The following TMEM132D variants were observed in gnomAD, a reference collection of about 807,000 sequenced individuals.
TMEM132D encodes the protein transmembrane protein 132D, also known as mature OL transmembrane protein.
A neutral mutation model predicts 62.3 loss-of-function variants in TMEM132D; 21 were observed. That is an observed-to-expected ratio of 0.34 (90% CI 0.24 to 0.49). The LOEUF (loss-of-function observed/expected upper bound fraction) is 0.49, where lower values mean the gene tolerates loss of function less well. Ranked by LOEUF, TMEM132D falls within the 20% of genes least tolerant of loss-of-function variation. TMEM132D has a pLI of 0.99. For synonymous variants in TMEM132D, 621 were observed against 575.6 expected, an observed-to-expected ratio of 1.08 and a Z score of -1.13; for missense variants, 1,346 against 1,402.8, an observed-to-expected ratio of 0.96 and a Z score of 0.65.
chr12:129,413,094 A>G (rs1474598675), intron 3 of TMEM132D, among the ~76,000 whole-genome samples: 1 of 152,168 alleles, frequency 6.6e-6, no homozygotes. Flanking sequence ...TCAATATTCA[A>G]TAGTTTGAGA....
chr12:129,665,951 A>AT (rs1339823223), intron 2 of TMEM132D, among the ~76,000 whole-genome samples: 1 of 151,940 alleles, frequency 6.6e-6, no homozygotes, highest in Non-Finnish European at 1.5e-5. Flanking sequence ...GACCTTTAAT[A>AT]TTTTTTCTCT....
intron 3 of TMEM132D, among the ~76,000 whole-genome samples, chr12:129,447,402 G>A (rs1015392477): frequency 6.6e-5 from 10 of 152,060 alleles, no homozygotes; most frequent in African/African-American, 1.9e-4. Flanking sequence ...AACTGGTATC[G>A]TTTGCAATAA....
intron 1 of TMEM132D, among the ~76,000 whole-genome samples, chr12:129,864,519 G>T (rs1476305250): frequency 6.6e-6 from 1 of 152,168 alleles, no homozygotes; most frequent in East Asian, 1.9e-4. Context: ...AAAAGATAAG[G>T]TGTTTTTCCT....
chr12:129,194,864 G>C (rs1404241415), intron 5 of TMEM132D, among the ~76,000 whole-genome samples: 1 of 152,062 alleles, frequency 6.6e-6, no homozygotes, highest in Non-Finnish European at 1.5e-5. Flanking sequence ...ATGATAACCA[G>C]AATCCTCTAT....
intron 1 of TMEM132D, among the ~76,000 whole-genome samples, chr12:129,708,260 A>C (rs1448455940): frequency 6.6e-6 from 1 of 152,188 alleles, no homozygotes; most frequent in Non-Finnish European, 1.5e-5. Context: ...GAGGATAAAA[A>C]GTTATCTAGC....
rs182058365 is a variant in TMEM132D, at chr12:129,822,012, C to T, written c.79+81249G>A. Among the ~76,000 whole-genome samples, 18 of 152,240 alleles carry T rather than the reference C, an allele frequency of 1.2e-4. No individual in the cohort carries two copies. The East Asian group carries it at 1.7e-3, about 15-fold the overall frequency. Reference sequence around the variant, plus strand: ...AGGATATAATAGTGCAAAAGACAGACGTGATCTTTGTACTCATGGAGCAAA... The same window carrying T: ...AGGATATAATAGTGCAAAAGACAGATGTGATCTTTGTACTCATGGAGCAAA... On this transcript the variant is annotated intron_variant, in intron 1 of 8. Coordinates refer to ENST00000422113, the MANE Select transcript of TMEM132D (RefSeq NM_133448.3).
intron 5 of TMEM132D, among the ~76,000 whole-genome samples, chr12:129,135,310 G>C (rs1045156415): frequency 3.9e-5 from 6 of 152,150 alleles, no homozygotes; most frequent in Non-Finnish European, 7.3e-5. Context: ...GGGAATGATG[G>C]TCATGACCTC....
chr12:129,200,819 C>G (rs1878685798), intron 5 of TMEM132D, among the ~76,000 whole-genome samples: 1 of 152,218 alleles, frequency 6.6e-6, no homozygotes, highest in African/African-American at 2.4e-5. Context: ...CTGAAAATAG[C>G]TGCAGAAGAG....
intron 5 of TMEM132D, among the ~76,000 whole-genome samples, chr12:129,167,325 C>T (rs922625321): frequency 6.6e-6 from 1 of 152,116 alleles, no homozygotes; most frequent in African/African-American, 2.4e-5. Context: ...GGCCCACTTT[C>T]CATAGCAGGA....
At chr12:129,550,420 C>T (rs541799710) in intron 2 of TMEM132D, among the ~76,000 whole-genome samples, 5 of 152,200 alleles carry the variant, frequency 3.3e-5, no homozygotes, top group African/African-American at 4.8e-5. Flanking sequence ...TTCTTTCTTC[C>T]GTATTTCCCA....
At chr12:129,831,876 C>CATTTT (rs1872846098) in intron 1 of TMEM132D, among the ~76,000 whole-genome samples, 1 of 134,898 alleles carries the variant, frequency 7.4e-6, no homozygotes, top group Non-Finnish European at 1.5e-5. Flanking sequence ...CTTTCTTTTT[C>CATTTT]TTTTTTTTTT....
At chr12:129,563,867 C>T (rs558555745) in intron 2 of TMEM132D, among the ~76,000 whole-genome samples, 7 of 152,028 alleles carry the variant, frequency 4.6e-5, no homozygotes, top group African/African-American at 1.7e-4. Flanking sequence ...ATCAGGATGG[C>T]CATGAATGCT....
intron 5 of TMEM132D, among the ~76,000 whole-genome samples, chr12:129,164,412 T>C (rs1484697805): frequency 3.3e-5 from 5 of 152,216 alleles, no homozygotes; most frequent in Admixed American, 6.5e-5. Flanking sequence ...TGTTGGCAAG[T>C]ACTTGGAGCA....
intron 4 of TMEM132D, among the ~76,000 whole-genome samples, chr12:129,319,953 A>G (rs1360354316): frequency 6.6e-6 from 1 of 152,192 alleles, no homozygotes; most frequent in African/African-American, 2.4e-5. Flanking sequence ...GTGAGATGAT[A>G]TTTTAGAGAG....
At chr12:129,602,354 G>A (rs1441057943) in intron 2 of TMEM132D, among the ~76,000 whole-genome samples, 4 of 152,060 alleles carry the variant, frequency 2.6e-5, no homozygotes, top group Non-Finnish European at 5.9e-5. Context: ...CTATCCGTGA[G>A]CTCACTGAAT....
rs781691976 is a variant in TMEM132D at position 129,073,948 on chromosome 12, A to G, written c.3227T>C (p.Val1076Ala). 40 of 1,608,694 alleles carry G rather than the reference A, an allele frequency of 2.5e-5. No individual in the cohort carries two copies. The highest frequency in any genetic ancestry group is 8.9e-5 in the South Asian group (8 of 90,104). Reference protein sequence around the residue: ...VMSSEDDIKWVCQDLDPGDCK... With the variant: ...VMSSEDDIKWACQDLDPGDCK... Reference sequence around the variant, plus strand: ...GTCCCCAGGGTCCAGATCCTGGCAGACCCACTTAATGTCATCCTCGCTACT... The same window carrying G: ...GTCCCCAGGGTCCAGATCCTGGCAGGCCCACTTAATGTCATCCTCGCTACT... Residue 1076 changes from valine (V) to alanine (A), a missense_variant, in exon 9 of 9, where the codon GTC becomes GCC. Physicochemically the swap from Val to Ala is moderately conservative, Grantham distance 64 (BLOSUM62 0). Transcript: ENST00000422113.
chr12:129,378,686 C>T (rs1411808300), intron 3 of TMEM132D, among the ~76,000 whole-genome samples: 1 of 152,138 alleles, frequency 6.6e-6, no homozygotes, highest in Non-Finnish European at 1.5e-5. Context: ...TCCATTCAGC[C>T]ACCTGCAGGA....
intron 2 of TMEM132D, 148 bp from the exon 3 acceptor site, chr12:129,531,353 C>T (rs575626753): frequency 3.1e-5 from 28 of 912,046 alleles, no homozygotes; most frequent in African/African-American, 8.2e-5. Flanking sequence ...AATTTGCAGT[C>T]GCCTTCCAAC....
At chr12:129,503,519 C>A (rs990581190) in intron 3 of TMEM132D, among the ~76,000 whole-genome samples, 2 of 152,186 alleles carry the variant, frequency 1.3e-5, no homozygotes, top group Non-Finnish European at 2.9e-5. Context: ...TGTAAGTACA[C>A]AGCAACTGTT....
Sources: allele counts gnomAD v4.1 joint callset (sites outside exome capture counted in the v4.1 genomes callset), GRCh38; gene constraint gnomAD v4.1.1; transcripts MANE v1.5; gene names NCBI Gene and HGNC (gene_info 2026-07-23, HGNC 2026-07-21).